The following CDH2 variants were observed in gnomAD, a reference collection of about 807,000 sequenced individuals.
The protein encoded by CDH2 is cadherin 2.
Under a neutral mutation model 92.0 loss-of-function variants are expected in CDH2, and 17 were observed. The observed-to-expected ratio is 0.18, with a 90% confidence interval of 0.13 to 0.28. The LOEUF (loss-of-function observed/expected upper bound fraction) is 0.28. Among genes scored for constraint, CDH2 ranks in the 10% least tolerant of loss-of-function variants. The pLI, the probability that CDH2 is intolerant of heterozygous loss-of-function variation, is 1.00. For synonymous variants in CDH2, 419 were observed against 415.9 expected (o/e 1.01, Z -0.09); for missense variants, 862 against 1,133.1 (o/e 0.76, Z 3.44).
At chr18:28,022,480 A>C (rs907520803) in intron 2 of CDH2, among the ~76,000 whole-genome samples, 1 of 152,086 alleles carries the variant, frequency 6.6e-6, no homozygotes, top group Non-Finnish European at 1.5e-5. Context: ...TCCTGATTGA[A>C]ATATCAAATT....
chr18:27,980,694 T>A (rs2012017766), intron 14 of CDH2, among the ~76,000 whole-genome samples: 2 of 151,390 alleles, frequency 1.3e-5, no homozygotes, highest in African/African-American at 2.4e-5. Flanking sequence ...ATTAAAAAAA[T>A]TAGCCCCAGA....
intron 14 of CDH2, among the ~76,000 whole-genome samples, chr18:27,965,684 T>C (rs1785612): frequency 1 from 151,857 of 152,346 alleles, 75,685 homozygotes; most frequent in Non-Finnish European, 1. Context: ...GATGTGAAAG[T>C]CCTTGAACTG....
rs879608924 is a variant in CDH2, at chr18:28,091,474, GA to G, written c.172+56198del. On this transcript the variant is annotated intron_variant, in intron 2 of 15. Coordinates refer to ENST00000269141, the MANE Select transcript of CDH2 (RefSeq NM_001792.5). ...TCTGTATGTTTTTGTAAAGTAGTGG[GA>G]AAAAAAAACCTTATTCATTTCTCTT... 8.2e-4 allele frequency among the ~76,000 whole-genome samples: 123 copies of G among 150,214 alleles called. No homozygotes were observed. The Middle Eastern group carries it at 0.014, about 17-fold the overall frequency.
intron 2 of CDH2, among the ~76,000 whole-genome samples, chr18:28,053,636 C>A (rs1217009272): frequency 6.6e-6 from 1 of 152,228 alleles, no homozygotes; most frequent in Non-Finnish European, 1.5e-5. Context: ...TGTTTTCTTT[C>A]TGTAAATACT....
chr18:27,946,065 G>A (rs1038256861), downstream of CDH2, among the ~76,000 whole-genome samples: 3 of 152,152 alleles, frequency 2.0e-5, no homozygotes, highest in Non-Finnish European at 4.4e-5. Flanking sequence ...AAGTTACTGA[G>A]CAAGGACTGG....
At chr18:28,017,944 C>T (rs1022318215) in intron 2 of CDH2, among the ~76,000 whole-genome samples, 1 of 151,898 alleles carries the variant, frequency 6.6e-6, no homozygotes, top group African/African-American at 2.4e-5. Flanking sequence ...GAAATAAAGC[C>T]CATCCAAATT....
chr18:28,095,362 C>T (rs1239066744), intron 2 of CDH2, among the ~76,000 whole-genome samples: 1 of 151,938 alleles, frequency 6.6e-6, no homozygotes, highest in East Asian at 1.9e-4. Context: ...GGGAGAATTG[C>T]TTGAGGTCAG....
intron 2 of CDH2, among the ~76,000 whole-genome samples, chr18:28,052,552 T>G (rs1343722222): frequency 6.6e-6 from 1 of 152,150 alleles, no homozygotes; most frequent in Non-Finnish European, 1.5e-5. Flanking sequence ...AAGAAGTATT[T>G]GAAAATCATT....
chr18:28,141,323 C>T (rs189700825), intron 2 of CDH2, among the ~76,000 whole-genome samples: 19 of 151,844 alleles, frequency 1.3e-4, no homozygotes, highest in Non-Finnish European at 2.4e-4. Flanking sequence ...AGAAGTCAGT[C>T]GCAAAAGGTG....
Position 27,985,011 on chromosome 18 carries a change from A to T in CDH2, c.2198T>A (p.Ile733Asn). ...ATAAAAGTACTCACTAAGCAGGATG[A>T]TGATGCAGAGCAGGATGGCAATGAT... is the stretch of plus-strand genomic sequence containing the variant. ...GAIIAILLCI[I>N]ILLILVLMFV... Residue 733 changes from isoleucine to asparagine, a missense_variant, in exon 13 of 16, where the codon ATC becomes AAC. Around this residue, in one of 5 missense-constraint regions of CDH2, gnomAD observed 564 missense variants for 722.2 expected, o/e 0.78. Transcript: ENST00000269141. 1 of 1,612,192 alleles carries T rather than the reference A, an allele frequency of 6.2e-7. No individual in the cohort carries two copies. Among genetic ancestry groups the T allele is most frequent in the Non-Finnish European group, 8.5e-7 (1 of 1,178,196 alleles).
intron 14 of CDH2, among the ~76,000 whole-genome samples, chr18:27,967,552 G>A (rs1377396349): frequency 1.3e-5 from 2 of 152,104 alleles, no homozygotes; most frequent in African/African-American, 2.4e-5. Flanking sequence ...GAGTGGGTCC[G>A]AAAATTCTCT....
At chr18:28,156,871 G>C (rs574311590) in intron 1 of CDH2, among the ~76,000 whole-genome samples, 1 of 152,094 alleles carries the variant, frequency 6.6e-6, no homozygotes, top group South Asian at 2.1e-4. Context: ...GAGCCTATCA[G>C]GGCTTAGGAC....
intron 1 of CDH2, among the ~76,000 whole-genome samples, 169 bp downstream of exon 1, chr18:28,176,794 C>A (rs1422318515): frequency 4.0e-5 from 6 of 151,140 alleles, no homozygotes; most frequent in African/African-American, 1.5e-4. Flanking sequence ...GGCGCCCGGA[C>A]GGAGCCCGAT....
intron 14 of CDH2, among the ~76,000 whole-genome samples, chr18:27,972,137 T>C (rs757941413): frequency 7.9e-5 from 12 of 152,170 alleles, no homozygotes; most frequent in Non-Finnish European, 1.5e-4. Context: ...GGACTTTAGA[T>C]TTAGCTCCAG....
chr18:28,008,753 A>G (rs551046148), intron 5 of CDH2, among the ~76,000 whole-genome samples: 3 of 152,278 alleles, frequency 2.0e-5, no homozygotes, highest in Admixed American at 2.0e-4. Flanking sequence ...ATAAAAAAAA[A>G]AAAGAAAAAA....
Position 27,941,298 on chromosome 18 carries a change from G to A in CDH2, c.1152-8174C>T, listed in dbSNP as rs563714118. ...GATCCGCCCGTCTCGGCCTCCTAAAGTGCTGGGATTACAGGTGTGAGCCAC... is the reference window on the plus strand; with the variant it reads ...GATCCGCCCGTCTCGGCCTCCTAAAATGCTGGGATTACAGGTGTGAGCCAC... On this transcript the variant is annotated intron_variant, in intron 6 of 6. Coordinates refer to the CDH2 transcript ENST00000675173. Among the ~76,000 whole-genome samples the A allele has an allele frequency of 1.4e-4, 22 of 152,230 alleles. 1 individual carries two copies. The East Asian group carries it at 3.1e-3, about 21-fold the overall frequency.
In CDH2 at chr18:27,990,281, T is replaced by C. The variant is rs1473917332; in HGVS notation, c.1414A>G (p.Lys472Glu). Residue 472 changes from lysine to glutamate, a missense_variant, in exon 10 of 16, where the codon AAG (lysine) becomes GAG (glutamate). Physicochemically the swap from Lys to Glu is moderately conservative, Grantham distance 56. Transcript: ENST00000269141. ...VAAENQVPLA[K>E]GIQHPPQSTA... Reference sequence around the variant, plus strand: ...GACTGAGGGGGGTGCTGAATTCCCTTGGCTAATGGCACTTGATTTTCTGCA... The same window carrying C: ...GACTGAGGGGGGTGCTGAATTCCCTCGGCTAATGGCACTTGATTTTCTGCA... The C allele has an allele frequency of 1.2e-6, 2 of 1,613,918 alleles. No individual in the cohort carries two copies. Among genetic ancestry groups the C allele is most frequent in the Admixed American group, 1.7e-5 (1 of 60,016 alleles).
chr18:28,143,853 T>C (rs2015992928), intron 2 of CDH2, among the ~76,000 whole-genome samples: 1 of 151,982 alleles, frequency 6.6e-6, no homozygotes, highest in African/African-American at 2.4e-5. Flanking sequence ...TGCAGGGACA[T>C]GGGTGAAGCT....
intron 2 of CDH2, among the ~76,000 whole-genome samples, chr18:28,119,710 T>C (rs2015555324): frequency 6.6e-6 from 1 of 152,102 alleles, no homozygotes; most frequent in Admixed American, 6.6e-5. Flanking sequence ...GTAATAGATG[T>C]TTTAGCTGGG....
Sources: allele counts gnomAD v4.1 joint callset (sites outside exome capture counted in the v4.1 genomes callset), GRCh38; gene constraint gnomAD v4.1.1; regional missense constraint gnomAD v4.1.1; transcripts MANE v1.5; gene names NCBI Gene and HGNC (gene_info 2026-07-23, HGNC 2026-07-21).